The following GRIP1 variants were observed in gnomAD, a reference collection of about 807,000 sequenced individuals.
GRIP1 encodes glutamate receptor-interacting protein 1.
A neutral mutation model predicts 129.9 loss-of-function variants in GRIP1; 45 were observed. The observed-to-expected ratio is 0.35, with a 90% confidence interval of 0.27 to 0.44. The LOEUF is 0.44. Among genes scored for constraint, GRIP1 ranks in the 20% least tolerant of loss-of-function variants. The pLI, the probability that GRIP1 is intolerant of heterozygous loss-of-function variation, is 1.00. For missense variants in GRIP1, 1,196 were observed against 1,396.8 expected, an observed-to-expected ratio of 0.86 and a Z score of 2.29; for synonymous variants, 530 against 520.8, an observed-to-expected ratio of 1.02 and a Z score of -0.24.
At chr12:66,767,073 AT>A (rs904826246) in intron 1 of GRIP1, among the ~76,000 whole-genome samples, 19 of 152,028 alleles carry the variant, frequency 1.2e-4, no homozygotes, top group Middle Eastern at 6.8e-3. Context: ...ATCTGAAATG[AT>A]TTTTTTTGTC....
At chr12:66,783,042 T>C (rs975039623) in intron 1 of GRIP1, among the ~76,000 whole-genome samples, 5 of 151,936 alleles carry the variant, frequency 3.3e-5, no homozygotes, top group Non-Finnish European at 5.9e-5. Flanking sequence ...TGAGTAAAGG[T>C]ACTTTTTTTT....
chr12:66,503,563 T>A (rs182894756), intron 7 of GRIP1, among the ~76,000 whole-genome samples: 56 of 152,322 alleles, frequency 3.7e-4, no homozygotes, highest in Admixed American at 1.9e-3. Flanking sequence ...GCTTGCCTTG[T>A]TCTCTTTTTC....
At chr12:66,822,086 C>T (rs79613185) in intron 1 of GRIP1, among the ~76,000 whole-genome samples, 1,560 of 152,062 alleles carry the variant, frequency 0.01, 27 homozygotes, top group African/African-American at 0.034. Context: ...AAGCATCATG[C>T]AGTTGAAACA....
At chr12:66,668,378 C>T (rs1051606258) in intron 1 of GRIP1, among the ~76,000 whole-genome samples, 2 of 152,180 alleles carry the variant, frequency 1.3e-5, no homozygotes, top group Admixed American at 6.5e-5. Context: ...TCAATTCAAT[C>T]AGAAACTCTG....
At chr12:66,712,528 C>T (rs966135205) in intron 1 of GRIP1, among the ~76,000 whole-genome samples, 3 of 151,952 alleles carry the variant, frequency 2.0e-5, no homozygotes, top group East Asian at 1.9e-4. Flanking sequence ...CTCACACACA[C>T]ACACATCTAT....
intron 1 of GRIP1, among the ~76,000 whole-genome samples, chr12:66,697,706 A>G (rs2035211632): frequency 6.6e-6 from 1 of 152,184 alleles, no homozygotes; most frequent in South Asian, 2.1e-4. Flanking sequence ...CTGTCCATAG[A>G]CAGCTCCAAA....
intron 1 of GRIP1, among the ~76,000 whole-genome samples, chr12:66,749,639 G>T (rs1225088529): frequency 6.6e-6 from 1 of 152,136 alleles, no homozygotes; most frequent in East Asian, 1.9e-4. Context: ...GGGAATAAGT[G>T]GGGATGACTT....
At chr12:66,880,059 A>C (rs1830493053) in intron 1 of GRIP1, among the ~76,000 whole-genome samples, 1 of 152,094 alleles carries the variant, frequency 6.6e-6, no homozygotes, top group African/African-American at 2.4e-5. Flanking sequence ...GAAGGAAATG[A>C]GGGTAGCTGA....
chr12:66,788,577 T>G (rs926197128), intron 1 of GRIP1, among the ~76,000 whole-genome samples: 11 of 152,246 alleles, frequency 7.2e-5, no homozygotes, highest in East Asian at 1.9e-4. Flanking sequence ...GTGTTTTTTT[T>G]GTCTTGCATG....
chr12:66,583,204 AT>A (rs1305646262), intron 2 of GRIP1, among the ~76,000 whole-genome samples: 1 of 151,078 alleles, frequency 6.6e-6, no homozygotes, highest in East Asian at 1.9e-4. Context: ...GGCTAGCCAT[AT>A]GTAGAAAGCT....
At chr12:66,856,933 T>C (rs892115798) in intron 1 of GRIP1, among the ~76,000 whole-genome samples, 1 of 152,164 alleles carries the variant, frequency 6.6e-6, no homozygotes, top group Non-Finnish European at 1.5e-5. Flanking sequence ...CATATGTTTA[T>C]TGCGGCACTA....
chr12:66,402,167 C>A (rs2057026184), intron 16 of GRIP1, among the ~76,000 whole-genome samples: 1 of 152,220 alleles, frequency 6.6e-6, no homozygotes, highest in East Asian at 1.9e-4. Flanking sequence ...TTGTTAGAAT[C>A]TTTTCCTTGA....
intron 1 of GRIP1, among the ~76,000 whole-genome samples, chr12:66,613,383 T>C (rs759541086): frequency 3.2e-4 from 48 of 152,254 alleles, no homozygotes; most frequent in Non-Finnish European, 6.5e-4. Flanking sequence ...ATGATGTCAT[T>C]TTGTCTGCAC....
chr12:66,422,781 A>C (rs957317673), intron 14 of GRIP1, among the ~76,000 whole-genome samples: 1 of 152,080 alleles, frequency 6.6e-6, no homozygotes. Flanking sequence ...CCATTTTCAC[A>C]TTTACTAGAT....
At chr12:67,020,895 T>C (rs112140026) in intron 1 of GRIP1, among the ~76,000 whole-genome samples, 2,035 of 151,424 alleles carry the variant, frequency 0.013, 44 homozygotes, top group African/African-American at 0.047. Context: ...AGTCCAGGAG[T>C]TCAAGACCAG....
At chr12:66,562,972 T>A (rs888092684) in intron 2 of GRIP1, among the ~76,000 whole-genome samples, 1 of 151,634 alleles carries the variant, frequency 6.6e-6, no homozygotes, top group Non-Finnish European at 1.5e-5. Context: ...CATAAAGGTC[T>A]TCATCCTTGT....
chr12:66,396,005 C>T (rs1258421834), intron 16 of GRIP1, among the ~76,000 whole-genome samples: 2 of 152,132 alleles, frequency 1.3e-5, no homozygotes, highest in Non-Finnish European at 1.5e-5. Flanking sequence ...CTGGCTTTGA[C>T]CTAAATGAAC....
chr12:66,858,480 CT>C lies in GRIP1; in HGVS notation c.58+210569del, dbSNP rs991912900. 1.2e-3 allele frequency among the ~76,000 whole-genome samples: 188 copies of C among 151,606 alleles called. 1 individual carries two copies. Among genetic ancestry groups the C allele is most frequent in the Non-Finnish European group, 2.0e-3 (138 of 67,828 alleles). On this transcript the variant is annotated intron_variant, in intron 1 of 1. Coordinates refer to the GRIP1 transcript ENST00000643019. ...ACTTGTGTTTCTTGGCATTTTTTGA[CT>C]TTTTTTTGCAGATTCTAGCTACTAA...
chr12:66,652,549 T>A (rs2032876486), intron 1 of GRIP1, among the ~76,000 whole-genome samples: 1 of 152,222 alleles, frequency 6.6e-6, no homozygotes, highest in South Asian at 2.1e-4. Context: ...TGCTTTGCCT[T>A]CATGGAGATT....
Sources: allele counts gnomAD v4.1 joint callset (sites outside exome capture counted in the v4.1 genomes callset), GRCh38; gene constraint gnomAD v4.1.1; transcripts MANE v1.5; gene names NCBI Gene and HGNC (gene_info 2026-07-23, HGNC 2026-07-21).